Variants in DTNB observed in about 807,000 individuals in gnomAD.
DTNB encodes the protein DTN-B.
DTNB carries 63 observed loss-of-function variants against 90.7 expected under a neutral mutation model. That is an observed-to-expected ratio of 0.69 (90% confidence interval 0.57 to 0.86). The LOEUF (loss-of-function observed/expected upper bound fraction) is 0.86, where lower values mean the gene tolerates loss of function less well. Among genes scored for constraint, DTNB ranks in the 40% least tolerant of loss-of-function variants. DTNB has a pLI of 0.00. For missense variants in DTNB, 744 were observed against 807.1 expected (o/e 0.92, Z 0.95); for synonymous variants, 277 against 286.7 (o/e 0.97, Z 0.34).
intron 3 of DTNB, among the ~76,000 whole-genome samples, chr2:25,638,082 C>T (rs941674729): frequency 6.6e-6 from 1 of 152,154 alleles, no homozygotes; most frequent in Admixed American, 6.5e-5. Context: ...AGCTGGAAGT[C>T]ATCATTCTCA....
intron 8 of DTNB, among the ~76,000 whole-genome samples, chr2:25,554,936 A>C (rs1413671228): frequency 1.3e-5 from 2 of 152,188 alleles, no homozygotes; most frequent in African/African-American, 4.8e-5. Flanking sequence ...CTGAGGAAGG[A>C]GGAAAATGGG....
chr2:25,507,958 T>A (rs1000385466), intron 9 of DTNB, among the ~76,000 whole-genome samples: 18 of 152,306 alleles, frequency 1.2e-4, no homozygotes, highest in Admixed American at 5.9e-4. Context: ...TTCCTCCAGA[T>A]ACCCAAAAGG....
intron 20 of DTNB, among the ~76,000 whole-genome samples, chr2:25,378,191 C>T (rs1380341198): frequency 6.6e-6 from 1 of 152,236 alleles, no homozygotes; most frequent in South Asian, 2.1e-4. Flanking sequence ...GAGTCAGTTC[C>T]TGATTTCCCT....
At chr2:25,478,291 T>C (rs1191501092) in intron 10 of DTNB, among the ~76,000 whole-genome samples, 1 of 152,198 alleles carries the variant, frequency 6.6e-6, no homozygotes, top group East Asian at 1.9e-4. Flanking sequence ...TTGGATACCC[T>C]GGACCTCGTC....
chr2:25,532,533 T>C (rs2078445403), intron 8 of DTNB, among the ~76,000 whole-genome samples: 1 of 152,106 alleles, frequency 6.6e-6, no homozygotes, highest in African/African-American at 2.4e-5. Flanking sequence ...TAGAATAATA[T>C]CCACCAAAGA....
chr2:25,599,877 G>A (rs748152105), intron 5 of DTNB, among the ~76,000 whole-genome samples: 68 of 152,064 alleles, frequency 4.5e-4, no homozygotes, highest in Non-Finnish European at 7.1e-4. Flanking sequence ...GAGGAGAATC[G>A]CTTGAGCCCA....
chr2:25,428,456 G>A (rs1337815259), intron 14 of DTNB, among the ~76,000 whole-genome samples: 3 of 144,122 alleles, frequency 2.1e-5, no homozygotes, highest in African/African-American at 7.8e-5. Context: ...TTTTTGTGAC[G>A]GAGTCTCACT....
chr2:25,468,966 G>T (rs749110555), intron 10 of DTNB, among the ~76,000 whole-genome samples: 3 of 152,160 alleles, frequency 2.0e-5, no homozygotes, highest in Non-Finnish European at 4.4e-5. Flanking sequence ...ATATTTAGTT[G>T]TACTGAGTTT....
At chr2:25,548,725 C>T (rs1175249282) in intron 8 of DTNB, among the ~76,000 whole-genome samples, 1 of 152,088 alleles carries the variant, frequency 6.6e-6, no homozygotes, top group African/African-American at 2.4e-5. Flanking sequence ...GTGGCTTTTA[C>T]CCTGAATGAG....
Position 25,506,196 on chromosome 2 carries a change from A to G in DTNB, c.1002-23323T>C, listed in dbSNP as rs1409669888. Among the ~76,000 whole-genome samples, 3 of 152,200 alleles carry G rather than the reference A, an allele frequency of 2.0e-5. No individual in the cohort carries two copies. The East Asian group carries it at 5.8e-4, about 29-fold the overall frequency. ...GGTTAATGGGTACAAACACAGAGTT[A>G]GATGGGAGGAACAAGTTCCAATGTT... is the stretch of plus-strand genomic sequence containing the variant. On this transcript the variant is annotated intron_variant, in intron 9 of 20. Coordinates refer to ENST00000406818, the MANE Select transcript of DTNB (RefSeq NM_021907.5).
chr2:25,565,976 G>A (rs2058965116), intron 8 of DTNB, among the ~76,000 whole-genome samples: 1 of 152,142 alleles, frequency 6.6e-6, no homozygotes, highest in African/African-American at 2.4e-5. Context: ...TCCCCTTTGA[G>A]TGTGGGTGGA....
chr2:25,442,050 T>C (rs1212175152), intron 12 of DTNB, among the ~76,000 whole-genome samples: 1 of 152,196 alleles, frequency 6.6e-6, no homozygotes, highest in Admixed American at 6.5e-5. Context: ...GAACTTTTAA[T>C]AAGCCCAGAG....
chr2:25,419,502 G>A lies in DTNB; in HGVS notation c.1575+13C>T, dbSNP rs377255984. 7.7e-6 allele frequency: 12 copies of A among 1,558,632 alleles called. No individual in the cohort carries two copies. Among genetic ancestry groups the A allele is most frequent in the Middle Eastern group, 1.7e-4 (1 of 6,026 alleles). On this transcript the variant is annotated intron_variant, in intron 16 of 20. Coordinates refer to ENST00000406818, the MANE Select transcript of DTNB (RefSeq NM_021907.5). ...GAGCGAGAGTCCGGCGGGAAATTCC[G>A]AAGTTCACTTACTGCCTGCTTTTGC...
Position 25,379,273 on chromosome 2 carries a change from G to T in DTNB, c.*29+17C>A. Reference sequence around the variant, plus strand: ...GAGGGAGGGGCCGTGGGGAGGCAGAGGACTCTTTGTACTCACCTGAGCTTC... The same window carrying T: ...GAGGGAGGGGCCGTGGGGAGGCAGATGACTCTTTGTACTCACCTGAGCTTC... On this transcript the variant is annotated intron_variant, in intron 20 of 20. Transcript: ENST00000406818. 1 of 1,327,496 alleles carries T rather than the reference G, an allele frequency of 7.5e-7. No individual in the cohort carries two copies. The highest frequency in any genetic ancestry group is 3.3e-5 in the Admixed American group (1 of 30,500). 82.2% of individuals were successfully genotyped at this position (1,327,496 alleles called of 1,614,324 possible).
At chr2:25,408,219 G>C (rs956608457) in intron 16 of DTNB, among the ~76,000 whole-genome samples, 1 of 152,104 alleles carries the variant, frequency 6.6e-6, no homozygotes. Context: ...TGAGGCAGGA[G>C]AATTACTTGA....
rs537736320 is a variant in DTNB at position 25,557,418 on chromosome 2, G to C, written c.876+19420C>G. Among the ~76,000 whole-genome samples, 6 of 152,306 alleles carry C rather than the reference G, an allele frequency of 3.9e-5. No individual in the cohort carries two copies. In the East Asian group the frequency reaches 1.2e-3, roughly 29 times the overall value. Reference sequence around the variant, plus strand: ...CATCACAGTTCCAAAGCTGTCACAAGTGCTACCACAGGTCAAAATAGGAGG... The same window carrying C: ...CATCACAGTTCCAAAGCTGTCACAACTGCTACCACAGGTCAAAATAGGAGG... On this transcript the variant is annotated intron_variant, in intron 8 of 20. Coordinates refer to ENST00000406818, the MANE Select transcript of DTNB (RefSeq NM_021907.5).
rs1359014707 is a variant in DTNB at position 25,583,262 on chromosome 2, AATAT to A, written c.604-2440_604-2437del. On this transcript the variant is annotated intron_variant, in intron 6 of 20. Coordinates refer to ENST00000406818, the MANE Select transcript of DTNB (RefSeq NM_021907.5). ...ATTCCGTCTCAAAAAAAAAAAAAAA[AATAT>A]ATATATATATATATACACACACATA... 7.3e-4 allele frequency among the ~76,000 whole-genome samples: 101 copies of A among 137,486 alleles called. 2 individuals carry two copies. Among genetic ancestry groups the A allele is most frequent in the Admixed American group, 2.2e-3 (30 of 13,462 alleles). 90.2% of individuals were successfully genotyped at this position (137,486 alleles called of 152,430 possible).
Position 25,673,418 on chromosome 2 carries a change from C to T in DTNB, c.-34G>A, listed in dbSNP as rs1178479539. 2.0e-5 allele frequency: 3 copies of T among 151,106 alleles called. No homozygotes were observed. Among genetic ancestry groups the T allele is most frequent in the African/African-American group, 7.3e-5 (3 of 41,314 alleles). The allele number at this position is 151,106 out of a possible 1,614,324, so 9.4% of individuals were successfully genotyped here. A position where few individuals can be genotyped will look rare whatever the true frequency, so the allele number is the denominator to read the frequency against. On this transcript the variant is annotated 5_prime_UTR_variant, in exon 1 of 21. Transcript: ENST00000406818. ...ACTTCCCCGCCGGAGCAGGGGTCGT[C>T]GGGAAGGTCTCCTGCGGCCTCACTC...
chr2:25,423,932 T>C lies in DTNB; in HGVS notation c.1554+3603A>G, dbSNP rs112849576. On this transcript the variant is annotated intron_variant, in intron 15 of 20. Coordinates refer to ENST00000406818, the MANE Select transcript of DTNB (RefSeq NM_021907.5). The stretch of plus-strand genomic sequence containing the variant: ...ACCTTGGCCTTCCAAAGTGCTGGGA[T>C]TGCAGGTGTGAGTCACTGTACCTGG... 2.9e-3 allele frequency among the ~76,000 whole-genome samples: 437 copies of C among 152,310 alleles called. 2 individuals carry two copies. The highest frequency in any genetic ancestry group is 9.9e-3 in the African/African-American group (411 of 41,566).
Sources: gnomAD v4.1 joint callset for allele counts (sites outside exome capture counted in the v4.1 genomes callset) on GRCh38, gnomAD v4.1.1 for gene constraint, MANE v1.5 for transcripts, NCBI Gene and HGNC (gene_info 2026-07-23, HGNC 2026-07-21) for gene names.